The following JDP2 variants were observed in gnomAD, a reference collection of about 807,000 sequenced individuals.
The protein encoded by JDP2 is Jun dimerization protein 2.
In JDP2, 9 loss-of-function variants were observed where a neutral mutation model predicts 17.1. The observed-to-expected ratio is 0.53, with a 90% confidence interval of 0.32 to 0.92. JDP2 has a LOEUF of 0.92. Among genes scored for constraint, JDP2 ranks in the 40% least tolerant of loss-of-function variants. The pLI, the probability that JDP2 is intolerant of heterozygous loss-of-function variation, is 0.04. For synonymous variants in JDP2, 107 were observed against 95.6 expected (o/e 1.12, Z -0.69); for missense variants, 179 against 220.0 (o/e 0.81, Z 1.18).
intron 2 of JDP2, 88 bp downstream of exon 2, chr14:75,438,209 G>A: frequency 9.5e-7 from 1 of 1,054,058 alleles, no homozygotes; most frequent in Non-Finnish European, 1.4e-6. Context: ...AGTGTGGTCT[G>A]AGGACCAGTA....
chr14:75,444,140 G>T (rs1885486915), intron 2 of JDP2, among the ~76,000 whole-genome samples: 1 of 152,170 alleles, frequency 6.6e-6, no homozygotes, highest in Admixed American at 6.5e-5. Context: ...CTGGGCTCAA[G>T]CGATCCTCCC....
At chr14:75,439,870 A>C (rs1125773) in intron 2 of JDP2, among the ~76,000 whole-genome samples, 85,846 of 151,968 alleles carry the variant, frequency 0.56, 25,065 homozygotes, top group African/African-American at 0.72. Flanking sequence ...ATTTAGAGCC[A>C]GTAGCTGAGC....
Position 75,469,296 on chromosome 14 carries a change from G to A in JDP2, c.313G>A (p.Glu105Lys), listed in dbSNP as rs767954679. 3 of 1,613,688 alleles carry A rather than the reference G, an allele frequency of 1.9e-6. No individual in the cohort carries two copies. The highest frequency in any genetic ancestry group is 2.2e-5 in the South Asian group (2 of 91,004). The stretch of plus-strand genomic sequence containing the variant: ...CTTCTGTGTTGGTATACAGGAATCC[G>A]AGCGGCTGGAACTCATGAACGCAGA... ...ERTEFLQRES[E>K]RLELMNAELK... Residue 105 changes from glutamate to lysine, a missense_variant, in exon 4 of 4, where the codon GAG becomes AAG. Physicochemically the swap from Glu to Lys is moderately conservative, Grantham distance 56. Coordinates refer to ENST00000651602, the MANE Select transcript of JDP2 (RefSeq NM_001135048.2).
intron 2 of JDP2, among the ~76,000 whole-genome samples, chr14:75,457,188 T>C (rs17103321): frequency 0.32 from 48,906 of 152,218 alleles, 9,295 homozygotes; most frequent in South Asian, 0.46. Context: ...TATCACCCAG[T>C]TTGGGGTTCT....
Sources: allele counts gnomAD v4.1 joint callset (sites outside exome capture counted in the v4.1 genomes callset), GRCh38; gene constraint gnomAD v4.1.1; transcripts MANE v1.5; gene names NCBI Gene and HGNC (gene_info 2026-07-23, HGNC 2026-07-21).